Variants in PCED1B observed in about 807,000 individuals in gnomAD.
The protein encoded by PCED1B is PC-esterase domain containing 1B.
For synonymous variants in PCED1B, 251 were observed against 246.1 expected, an observed-to-expected ratio of 1.02 and a Z score of -0.19; for missense variants, 573 against 573.9, an observed-to-expected ratio of 1.00 and a Z score of 0.02.
chr12:47,195,459 G>T (rs1402305126), intron 2 of PCED1B, among the ~76,000 whole-genome samples: 1 of 152,072 alleles, frequency 6.6e-6, no homozygotes, highest in Non-Finnish European at 1.5e-5. Context: ...AAACCTATCT[G>T]ATAGCTGGTG....
At chr12:47,111,785 G>A (rs1477068101) in intron 2 of PCED1B, among the ~76,000 whole-genome samples, 1 of 152,172 alleles carries the variant, frequency 6.6e-6, no homozygotes, top group Admixed American at 6.5e-5. Context: ...TAAGCAACCA[G>A]CTGTGCTTGT....
chr12:47,122,995 G>T (rs569434640), intron 2 of PCED1B, among the ~76,000 whole-genome samples: 1 of 152,130 alleles, frequency 6.6e-6, no homozygotes, highest in East Asian at 1.9e-4. Context: ...CATGGGAAGC[G>T]TACCATAGGG....
intron 3 of PCED1B, among the ~76,000 whole-genome samples, chr12:47,226,493 C>A (rs1943636683): frequency 6.6e-6 from 1 of 152,220 alleles, no homozygotes; most frequent in Non-Finnish European, 1.5e-5. Flanking sequence ...CCTGCCTCAG[C>A]CTCCTGAGTA....
At chr12:47,143,825 G>A (rs1940686356) in intron 2 of PCED1B, among the ~76,000 whole-genome samples, 1 of 133,348 alleles carries the variant, frequency 7.5e-6, no homozygotes, top group South Asian at 2.4e-4. Flanking sequence ...CAAAGCTATA[G>A]TAATCAAAAT....
In PCED1B at chr12:47,113,192, T is replaced by C. The variant is rs149230227; in HGVS notation, c.-526+8997T>C. Among the ~76,000 whole-genome samples, 7 of 152,336 alleles carry C rather than the reference T, an allele frequency of 4.6e-5. No homozygotes were observed. In the East Asian group the frequency reaches 1.3e-3, roughly 29 times the overall value. ...CTAAAGAAGTAGGGGAGAGGATTTATACTCAATTACATAATACTGTACAAG... is the reference window on the plus strand; with the variant it reads ...CTAAAGAAGTAGGGGAGAGGATTTACACTCAATTACATAATACTGTACAAG... On this transcript the variant is annotated intron_variant, in intron 2 of 3. Transcript: ENST00000546455.
In PCED1B at chr12:47,169,878, A is replaced by T. The variant is rs1339555166; in HGVS notation, c.-525-46344A>T. Among the ~76,000 whole-genome samples, 11 of 143,556 alleles carry T rather than the reference A, an allele frequency of 7.7e-5. No homozygotes were observed. The East Asian group carries it at 1.5e-3, about 19-fold the overall frequency. The allele number at this position is 143,556 out of a possible 152,430, so 94.2% of individuals were successfully genotyped here. A position where few individuals can be genotyped will look rare whatever the true frequency, so the allele number is the denominator to read the frequency against. ...TCAAAAAAAAAAAAAAGTTCTTTTT[A>T]TCATTGTATATTACTCATCTTTTTT... On this transcript the variant is annotated intron_variant, in intron 2 of 3. Transcript: ENST00000546455.
chr12:47,147,920 C>G (rs993924864), intron 2 of PCED1B, among the ~76,000 whole-genome samples: 7 of 152,170 alleles, frequency 4.6e-5, no homozygotes, highest in African/African-American at 1.7e-4. Context: ...GTTATAATAA[C>G]AGCCCCACTT....
intron 2 of PCED1B, among the ~76,000 whole-genome samples, chr12:47,119,428 C>T (rs1343414285): frequency 6.6e-6 from 1 of 151,832 alleles, no homozygotes. Context: ...CATGGTGGCT[C>T]ACACCTATAA....
chr12:47,086,214 G>A (rs746347221), intron 1 of PCED1B, among the ~76,000 whole-genome samples: 1 of 152,002 alleles, frequency 6.6e-6, no homozygotes, highest in Non-Finnish European at 1.5e-5. Flanking sequence ...AGTCCTCCCC[G>A]ATGGCACATT....
chr12:47,091,326 A>G (rs918117215), intron 1 of PCED1B, among the ~76,000 whole-genome samples: 3 of 152,140 alleles, frequency 2.0e-5, no homozygotes, highest in Non-Finnish European at 4.4e-5. Context: ...ATGTTTATTT[A>G]CACATCTCTT....
intron 1 of PCED1B, among the ~76,000 whole-genome samples, chr12:47,085,822 T>C (rs898173480): frequency 9.2e-5 from 14 of 152,348 alleles, no homozygotes; most frequent in African/African-American, 3.4e-4. Context: ...TTAATAGTTT[T>C]TAAAGTCATG....
intron 2 of PCED1B, among the ~76,000 whole-genome samples, chr12:47,149,577 A>G (rs1465825612): frequency 6.6e-6 from 1 of 152,258 alleles, no homozygotes; most frequent in African/African-American, 2.4e-5. Flanking sequence ...GAGCCCGTCA[A>G]CCTGAAGAGT....
chr12:47,234,993 T>C lies in PCED1B; in HGVS notation c.-57-14T>C. On this transcript the variant is annotated splice_polypyrimidine_tract_variant and intron_variant, in intron 3 of 3. Coordinates refer to ENST00000546455, the MANE Select transcript of PCED1B (RefSeq NM_138371.3). ...AGGTGAGTCCCTCCCAGCCCTTCTC[T>C]CCTTCTGTCCTAGCCATCCGCAGAG... The C allele has an allele frequency of 7.1e-7, 1 of 1,409,758 alleles. No homozygotes were observed. Among genetic ancestry groups the C allele is most frequent in the Non-Finnish European group, 9.5e-7 (1 of 1,050,224 alleles). 87.3% of individuals were successfully genotyped at this position (1,409,758 alleles called of 1,614,324 possible). A position where few individuals can be genotyped will look rare whatever the true frequency, so the allele number is the denominator to read the frequency against.
At chr12:47,086,610 A>T (rs78627605) in intron 1 of PCED1B, among the ~76,000 whole-genome samples, 2,509 of 152,336 alleles carry the variant, frequency 0.016, 65 homozygotes, top group African/African-American at 0.057. Context: ...GATGAAAATT[A>T]GCTTTAAAAA....
At chr12:47,153,897 GAC>G (rs1335506963) in intron 2 of PCED1B, among the ~76,000 whole-genome samples, 2 of 152,118 alleles carry the variant, frequency 1.3e-5, no homozygotes, top group Non-Finnish European at 2.9e-5. Flanking sequence ...GCTAGAGCTG[GAC>G]CATGTGGACT....
chr12:47,107,753 C>T (rs146799379), intron 2 of PCED1B, among the ~76,000 whole-genome samples: 1 of 152,266 alleles, frequency 6.6e-6, no homozygotes, highest in African/African-American at 2.4e-5. Flanking sequence ...CTGGGCTAGC[C>T]TCCCACCCAC....
At chr12:47,207,647 C>T (rs931446862) in intron 2 of PCED1B, among the ~76,000 whole-genome samples, 15 of 152,162 alleles carry the variant, frequency 9.9e-5, no homozygotes, top group African/African-American at 3.6e-4. Flanking sequence ...AAGGAAATGA[C>T]AATAAGGAAA....
chr12:47,081,569 T>TA (rs142435538), intron 1 of PCED1B, among the ~76,000 whole-genome samples: 2,068 of 152,318 alleles, frequency 0.014, 53 homozygotes, highest in African/African-American at 0.047. Context: ...AAGCATTTCT[T>TA]ACTGTGTACT....
chr12:47,087,750 G>A (rs1173233694), intron 1 of PCED1B, among the ~76,000 whole-genome samples: 3 of 152,146 alleles, frequency 2.0e-5, no homozygotes, highest in Non-Finnish European at 4.4e-5. Flanking sequence ...TAAATTGTAT[G>A]CAAATAAAAA....
Sources: allele counts gnomAD v4.1 joint callset (sites outside exome capture counted in the v4.1 genomes callset), GRCh38; gene constraint gnomAD v4.1.1; transcripts MANE v1.5; gene names NCBI Gene and HGNC (gene_info 2026-07-23, HGNC 2026-07-21).